The following CTTNBP2 variants were observed in gnomAD, a reference collection of about 807,000 sequenced individuals.
CTTNBP2 encodes cortactin-binding protein 2.
A neutral mutation model predicts 156.9 loss-of-function variants in CTTNBP2; 108 were observed. That is an observed-to-expected ratio of 0.69 (90% CI 0.59 to 0.81). CTTNBP2 has a LOEUF of 0.81. CTTNBP2 is among the 30% of genes least tolerant of loss of function. The probability of loss-of-function intolerance (pLI) is 0.00; values close to 1 mark genes in which losing one functional copy is unlikely to be tolerated. For synonymous variants in CTTNBP2, 767 were observed against 751.8 expected, an observed-to-expected ratio of 1.02 and a Z score of -0.33; for missense variants, 1,924 against 2,035.4, an observed-to-expected ratio of 0.95 and a Z score of 1.05.
At chr7:117,723,316 TTAAAA>T (rs765775226) in intron 19 of CTTNBP2, among the ~76,000 whole-genome samples, 13 of 147,398 alleles carry the variant, frequency 8.8e-5, no homozygotes, top group African/African-American at 1.4e-4. Flanking sequence ...TAAATTTTTA[TTAAAA>T]TTAACAAAAT....
At chr7:117,720,924 C>T (rs1410392532) in intron 20 of CTTNBP2, 143 bp downstream of exon 20, 1 of 675,370 alleles carries the variant, frequency 1.5e-6, no homozygotes, top group Non-Finnish European at 2.6e-6. Context: ...TTAATATCAG[C>T]ATTTGAATGA....
intron 6 of CTTNBP2, among the ~76,000 whole-genome samples, chr7:117,781,936 C>CA (rs1798458297): frequency 1.3e-5 from 2 of 152,238 alleles, no homozygotes; most frequent in Admixed American, 6.5e-5. Flanking sequence ...AGAGTAACAG[C>CA]AAAATCAGTG....
At chr7:117,767,021 AG>A in intron 9 of CTTNBP2, 37 bp downstream of exon 9, 1 of 1,105,794 alleles carries the variant, frequency 9.0e-7, no homozygotes, top group Middle Eastern at 2.0e-4. Context: ...CCAGCAGCAT[AG>A]GGGAAAGATA....
intron 10 of CTTNBP2, among the ~76,000 whole-genome samples, chr7:117,758,944 G>A (rs1001041353): frequency 1.3e-5 from 2 of 152,138 alleles, no homozygotes; most frequent in Non-Finnish European, 2.9e-5. Context: ...CACATTAGCT[G>A]AATGAAGGCT....
chr7:117,873,359 C>T lies in CTTNBP2; in HGVS notation c.57G>A (p.Ala19=), dbSNP rs1804763506. 6.8e-7 allele frequency: 1 copy of T among 1,465,468 alleles called. No individual in the cohort carries two copies. Among genetic ancestry groups the T allele is most frequent in the Non-Finnish European group, 9.0e-7 (1 of 1,113,548 alleles). The allele number at this position is 1,465,468 out of a possible 1,614,324, so 90.8% of individuals were successfully genotyped here. The change falls in exon 1 of 23, where the codon GCG becomes GCA. Residue 19 remains alanine, a synonymous_variant. Coordinates refer to ENST00000160373, the MANE Select transcript of CTTNBP2 (RefSeq NM_033427.3). ...EPDLSRAPED[A]AGAAAEAAKK... ...CCGCCGCCTCCGCCGCGGCCCCCGC[C>T]GCGTCCTCCGGGGCCCGGGACAAGT...
intron 10 of CTTNBP2, among the ~76,000 whole-genome samples, chr7:117,758,961 G>A (rs1441965058): frequency 6.6e-6 from 1 of 152,254 alleles, no homozygotes; most frequent in East Asian, 1.9e-4. Flanking sequence ...GGCTGATGGG[G>A]GGCCATTTCC....
At chr7:117,716,602 C>T (rs543205982) in intron 22 of CTTNBP2, among the ~76,000 whole-genome samples, 32 of 152,252 alleles carry the variant, frequency 2.1e-4, no homozygotes, top group African/African-American at 7.7e-4. Flanking sequence ...GTGCTGACTC[C>T]AGGTCACCTT....
At position 117,777,568 on chromosome 7, in the gene CTTNBP2, G is replaced by T; in HGVS notation, c.2721C>A (p.Asn907Lys). ...SKPVVPADLINHANREGWTAA... is the reference protein window; with the variant it reads ...SKPVVPADLIKHANREGWTAA... The stretch of plus-strand genomic sequence containing the variant: ...CAGTCCAGCCTTCTCTGTTGGCGTG[G>T]TTAATGAGGTCTGCAGGAACAACAG... Residue 907 changes from asparagine (N) to lysine (K), a missense_variant, in exon 8 of 23, where the codon AAC (asparagine) becomes AAA (lysine). By Grantham distance (94) the Asn-to-Lys change is moderately conservative (BLOSUM62 0). Transcript: ENST00000160373. 1 of 1,613,948 alleles carries T rather than the reference G, an allele frequency of 6.2e-7. No homozygotes were observed. Among genetic ancestry groups the T allele is most frequent in the Non-Finnish European group, 8.5e-7 (1 of 1,179,952 alleles).
At chr7:117,729,694 C>A (rs1231004724) in intron 16 of CTTNBP2, among the ~76,000 whole-genome samples, 1 of 151,866 alleles carries the variant, frequency 6.6e-6, no homozygotes, top group Non-Finnish European at 1.5e-5. Context: ...TTGAATTTTA[C>A]CAGCTGGAAA....
intron 3 of CTTNBP2, among the ~76,000 whole-genome samples, chr7:117,809,753 GAC>G: frequency 6.6e-6 from 1 of 152,276 alleles, no homozygotes; most frequent in South Asian, 2.1e-4. Flanking sequence ...CGCATGAAAT[GAC>G]AATATGTATC....
intron 19 of CTTNBP2, among the ~76,000 whole-genome samples, chr7:117,722,633 A>G (rs1239143457): frequency 6.6e-6 from 1 of 152,200 alleles, no homozygotes; most frequent in African/African-American, 2.4e-5. Flanking sequence ...CTTTAAATTC[A>G]TATTCATTTT....
At chr7:117,845,465 G>GT (rs1363725284) in intron 2 of CTTNBP2, among the ~76,000 whole-genome samples, 2 of 152,080 alleles carry the variant, frequency 1.3e-5, no homozygotes, top group Non-Finnish European at 2.9e-5. Flanking sequence ...TTCCTCTTTT[G>GT]TGTCTTTGAA....
chr7:117,814,057 T>G (rs191594253), intron 2 of CTTNBP2, among the ~76,000 whole-genome samples: 2 of 152,346 alleles, frequency 1.3e-5, no homozygotes, highest in East Asian at 1.9e-4. Context: ...ACATATTTTA[T>G]GATGTACAGT....
At chr7:117,867,566 G>A (rs1804284985) in intron 1 of CTTNBP2, among the ~76,000 whole-genome samples, 1 of 151,622 alleles carries the variant, frequency 6.6e-6, no homozygotes, top group Non-Finnish European at 1.5e-5. Context: ...ATACACTTTG[G>A]GTATAAAATG....
At chr7:117,781,437 A>T (rs1315636857) in intron 6 of CTTNBP2, among the ~76,000 whole-genome samples, 1 of 152,146 alleles carries the variant, frequency 6.6e-6, no homozygotes, top group Non-Finnish European at 1.5e-5. Context: ...TGTGTATCAG[A>T]CACATTTAAA....
intron 2 of CTTNBP2, among the ~76,000 whole-genome samples, chr7:117,850,805 C>T (rs952801171): frequency 6.6e-6 from 1 of 152,134 alleles, no homozygotes; most frequent in African/African-American, 2.4e-5. Flanking sequence ...ATCACAAATG[C>T]AACTTATTAT....
In CTTNBP2 at chr7:117,791,177, G is replaced by A. The variant is rs773274262; in HGVS notation, c.2019C>T (p.Ala673=). The part of the protein sequence containing the change: ...AFCSSINPVS[A]SSCRPGASDS... ...CTGAGGCACCTGGTCTACAGGATGA[G>A]GCACTAACGGGGTTTATGGAAGAGC... Residue 673 remains alanine, a synonymous_variant, in exon 4 of 23, where the codon GCC becomes GCT. Coordinates refer to ENST00000160373, the MANE Select transcript of CTTNBP2 (RefSeq NM_033427.3). The A allele has an allele frequency of 2.5e-6, 4 of 1,614,200 alleles. No individual in the cohort carries two copies. The Admixed American group carries it at 6.7e-5, about 27-fold the overall frequency.
chr7:117,719,428 T>C (rs1794652869), intron 21 of CTTNBP2, 76 bp downstream of exon 21: 2 of 1,347,020 alleles, frequency 1.5e-6, no homozygotes, highest in South Asian at 3.1e-5. Context: ...GAATTTCTTT[T>C]AGGGAATTGT....
In CTTNBP2 at chr7:117,760,659, T is replaced by G; in HGVS notation, c.2948A>C (p.Asn983Thr). 1 of 1,612,660 alleles carries G rather than the reference T, an allele frequency of 6.2e-7. No homozygotes were observed. Among genetic ancestry groups the G allele is most frequent in the Non-Finnish European group, 8.5e-7 (1 of 1,178,674 alleles). ...ACATTCCAAGTCATCAGAACCATAGTTGCTTGGTTCAATCTCACCCACTGA... is the reference window on the plus strand; with the variant it reads ...ACATTCCAAGTCATCAGAACCATAGGTGCTTGGTTCAATCTCACCCACTGA... ...RISVGEIEPS[N>T]YGSDDLECEN... Residue 983 changes from asparagine (N) to threonine (T), a missense_variant, in exon 10 of 23, where the codon AAC becomes ACC. Transcript: ENST00000160373.
Sources: gnomAD v4.1 joint callset for allele counts (sites outside exome capture counted in the v4.1 genomes callset) on GRCh38, gnomAD v4.1.1 for gene constraint, MANE v1.5 for transcripts, NCBI Gene and HGNC (gene_info 2026-07-23, HGNC 2026-07-21) for gene names.